The following SEMA3A variants were observed in gnomAD, a reference collection of about 807,000 sequenced individuals.
SEMA3A encodes the protein semaphorin-3A.
Under a neutral mutation model 97.9 loss-of-function variants are expected in SEMA3A, and 29 were observed. The observed-to-expected ratio is 0.30, with a 90% CI of 0.22 to 0.40. The LOEUF (loss-of-function observed/expected upper bound fraction) is 0.40. Ranked by LOEUF, SEMA3A falls within the 10% of genes least tolerant of loss-of-function variation. SEMA3A has a pLI of 1.00. For synonymous variants in SEMA3A, 321 were observed against 323.7 expected (o/e 0.99, Z 0.09); for missense variants, 763 against 951.3 (o/e 0.80, Z 2.60).
intron 3 of SEMA3A, among the ~76,000 whole-genome samples, chr7:84,257,480 C>T (rs1050081555): frequency 6.6e-6 from 1 of 151,908 alleles, no homozygotes; most frequent in Non-Finnish European, 1.5e-5. Flanking sequence ...ATTTAGAATC[C>T]CATACACTGT....
At chr7:84,311,938 A>G (rs1801331751) in intron 2 of SEMA3A, among the ~76,000 whole-genome samples, 1 of 151,916 alleles carries the variant, frequency 6.6e-6, no homozygotes, top group Non-Finnish European at 1.5e-5. Context: ...AATGCTTAAT[A>G]TTGGGCAAAG....
chr7:84,385,082 C>G (rs1803363752), intron 1 of SEMA3A, among the ~76,000 whole-genome samples: 2 of 151,418 alleles, frequency 1.3e-5, no homozygotes, highest in African/African-American at 4.9e-5. Flanking sequence ...CACACACACA[C>G]ACACACACAC....
At chr7:84,050,811 T>A (rs960079301) in intron 5 of SEMA3A, among the ~76,000 whole-genome samples, 1 of 152,166 alleles carries the variant, frequency 6.6e-6, no homozygotes, top group East Asian at 1.9e-4. Flanking sequence ...TGGTAATGCC[T>A]AGGTTTTCTT....
At chr7:84,001,350 C>T (rs997166316) in intron 12 of SEMA3A, among the ~76,000 whole-genome samples, 1 of 151,364 alleles carries the variant, frequency 6.6e-6, no homozygotes, top group South Asian at 2.1e-4. Flanking sequence ...TTCCTCCAAC[C>T]CTATACAAAT....
chr7:84,429,092 G>A (rs905326510), intron 1 of SEMA3A, among the ~76,000 whole-genome samples: 1 of 151,986 alleles, frequency 6.6e-6, no homozygotes, highest in African/African-American at 2.4e-5. Flanking sequence ...CCAAGAGGAG[G>A]GAGACAGTGG....
intron 4 of SEMA3A, among the ~76,000 whole-genome samples, chr7:84,062,569 G>A (rs923369177): frequency 3.9e-4 from 59 of 152,304 alleles, no homozygotes; most frequent in Non-Finnish European, 6.6e-4. Context: ...CGCGCACCAC[G>A]CGCGAGCCGA....
intron 1 of SEMA3A, among the ~76,000 whole-genome samples, chr7:84,480,774 T>A (rs1806423572): frequency 6.6e-6 from 1 of 152,228 alleles, no homozygotes; most frequent in South Asian, 2.1e-4. Context: ...TCAAACTGTA[T>A]TTTCAACATA....
chr7:84,438,919 CA>C (rs1805203476), intron 1 of SEMA3A, among the ~76,000 whole-genome samples: 1 of 151,912 alleles, frequency 6.6e-6, no homozygotes, highest in South Asian at 2.1e-4. Context: ...TACTTTTAAA[CA>C]TGTAATAAGG....
intron 2 of SEMA3A, among the ~76,000 whole-genome samples, chr7:84,310,884 G>A (rs979991400): frequency 6.6e-6 from 1 of 151,808 alleles, no homozygotes; most frequent in Non-Finnish European, 1.5e-5. Context: ...TCATGAGAGG[G>A]TGGGAAGATG....
chr7:84,463,703 G>A (rs1235073034), intron 1 of SEMA3A, among the ~76,000 whole-genome samples: 1 of 151,982 alleles, frequency 6.6e-6, no homozygotes, highest in African/African-American at 2.4e-5. Context: ...TCTTCTCCCT[G>A]TTAAACACCT....
At chr7:84,485,692 T>C (rs1391439292) in intron 1 of SEMA3A, among the ~76,000 whole-genome samples, 2 of 152,144 alleles carry the variant, frequency 1.3e-5, no homozygotes, top group African/African-American at 2.4e-5. Context: ...ATTTCAGACA[T>C]CCTTACCAGT....
At chr7:84,242,141 G>A (rs1799378862) in intron 3 of SEMA3A, among the ~76,000 whole-genome samples, 1 of 152,124 alleles carries the variant, frequency 6.6e-6, no homozygotes, top group African/African-American at 2.4e-5. Flanking sequence ...GAAACTTAAA[G>A]TAGTTTTTTT....
chr7:84,353,452 A>G (rs1408807006), intron 2 of SEMA3A, among the ~76,000 whole-genome samples: 1 of 151,738 alleles, frequency 6.6e-6, no homozygotes, highest in African/African-American at 2.4e-5. Context: ...ATAAAAAAAG[A>G]ATGTGATCCA....
At chr7:83,975,378 T>A (rs897151053) in intron 15 of SEMA3A, among the ~76,000 whole-genome samples, 1 of 152,156 alleles carries the variant, frequency 6.6e-6, no homozygotes, top group Non-Finnish European at 1.5e-5. Flanking sequence ...TATTAGTCAA[T>A]TGATTAATTC....
intron 3 of SEMA3A, among the ~76,000 whole-genome samples, chr7:84,258,745 A>T (rs1026030670): frequency 2.0e-5 from 3 of 152,206 alleles, no homozygotes; most frequent in Admixed American, 6.5e-5. Flanking sequence ...TCCATGAGAC[A>T]ATGAGAAAAT....
chr7:84,160,883 AAAAT>A (rs1426465621), intron 1 of SEMA3A, among the ~76,000 whole-genome samples: 1 of 151,878 alleles, frequency 6.6e-6, no homozygotes, highest in Non-Finnish European at 1.5e-5. Flanking sequence ...TCCATCTCAA[AAAAT>A]AAATAAATAA....
rs1389473780 is a variant in SEMA3A at position 83,994,918 on chromosome 7, G to A, written c.1452+7037C>T. 2.0e-5 allele frequency among the ~76,000 whole-genome samples: 3 copies of A among 152,166 alleles called. No individual in the cohort carries two copies. The South Asian group carries it at 6.2e-4, about 32-fold the overall frequency. On this transcript the variant is annotated intron_variant, in intron 12 of 16. Coordinates refer to ENST00000265362, the MANE Select transcript of SEMA3A (RefSeq NM_006080.3). ...TGGCGGGCACCCCTCCCCCAGCCTA[G>A]CTGCCGCCTTGCAGTTTGATCTCAG...
chr7:84,080,234 G>A (rs189060558), intron 4 of SEMA3A, among the ~76,000 whole-genome samples: 105 of 146,248 alleles, frequency 7.2e-4, no homozygotes, highest in Non-Finnish European at 1.3e-3. Context: ...GATAGCATTA[G>A]GAGATATCCC....
intron 1 of SEMA3A, among the ~76,000 whole-genome samples, chr7:84,474,984 G>T (rs1584350825): frequency 1.3e-5 from 2 of 152,072 alleles, no homozygotes; most frequent in East Asian, 3.9e-4. Context: ...AAGGAAATAG[G>T]ATGAAGAAAA....
Sources: gnomAD v4.1 joint callset for allele counts (sites outside exome capture counted in the v4.1 genomes callset) on GRCh38, gnomAD v4.1.1 for gene constraint, MANE v1.5 for transcripts, NCBI Gene and HGNC (gene_info 2026-07-23, HGNC 2026-07-21) for gene names.